Variants in PHEX observed in about 807,000 individuals in gnomAD.
PHEX encodes the protein phosphate regulating endopeptidase X-linked, also known as phosphate-regulating neutral endopeptidase PHEX.
A neutral mutation model predicts 68.0 loss-of-function variants in PHEX; 16 were observed. The ratio of observed to expected loss-of-function variants is 0.24; its 90% CI spans 0.16 to 0.36. PHEX has a LOEUF of 0.36. Ranked by LOEUF, PHEX falls within the 10% of genes least tolerant of loss-of-function variation. The probability of loss-of-function intolerance (pLI) is 1.00; values close to 1 mark genes in which losing one functional copy is unlikely to be tolerated. For missense variants in PHEX, 480 were observed against 575.5 expected, an observed-to-expected ratio of 0.83 and a Z score of 1.70; for synonymous variants, 208 against 205.1, an observed-to-expected ratio of 1.01 and a Z score of -0.12.
intron 12 of PHEX, among the ~76,000 whole-genome samples, chrX:22,153,816 A>G (rs1932897296): frequency 8.9e-6 from 1 of 112,024 alleles, no homozygotes; most frequent in Non-Finnish European, 1.9e-5. Context: ...TTGCTTTCAA[A>G]CTGGATTGCG....
intron 14 of PHEX, among the ~76,000 whole-genome samples, chrX:22,190,023 A>C (rs1471715506): frequency 8.9e-6 from 1 of 112,102 alleles, no homozygotes; most frequent in African/African-American, 3.2e-5. Flanking sequence ...AGAACTTTTA[A>C]ATGGACAGGC....
intron 3 of PHEX, among the ~76,000 whole-genome samples, chrX:22,074,631 G>T (rs1929063564): frequency 9.0e-6 from 1 of 111,220 alleles, no homozygotes; most frequent in South Asian, 3.8e-4. Context: ...ATGAAATTTG[G>T]ATTATTTACT....
rs764428274 is a variant in PHEX at position 22,215,538 on chromosome X, C to G, written c.1700+2580C>G. Among the ~76,000 whole-genome samples, 170 of 111,379 alleles carry G rather than the reference C, an allele frequency of 1.5e-3. 1 individual carries two copies. Among genetic ancestry groups the G allele is most frequent in the African/African-American group, 5.3e-3 (163 of 30,662 alleles). On this transcript the variant is annotated intron_variant, in intron 16 of 21. Transcript: ENST00000379374. ...CAGGACTGTAAATGGTTGAAGACAA[C>G]GTTTCCCAAAGTGTGTGTTCCATGA...
At chrX:22,234,879 ACT>A (rs1935915690) in intron 20 of PHEX, among the ~76,000 whole-genome samples, 1 of 110,018 alleles carries the variant, frequency 9.1e-6, no homozygotes, top group South Asian at 3.9e-4. Flanking sequence ...ACAACAAAAA[ACT>A]CTTGCAGCTA....
At chrX:22,044,909 G>A (rs1254364955) in intron 2 of PHEX, among the ~76,000 whole-genome samples, 1 of 108,567 alleles carries the variant, frequency 9.2e-6, no homozygotes, top group Admixed American at 1.0e-4. Context: ...TGTTGCCCAG[G>A]CTGGTCTCGA....
At chrX:22,190,347 T>C in intron 14 of PHEX, 97 bp from the exon 15 acceptor site, 1 of 598,650 alleles carries the variant, frequency 1.7e-6, no homozygotes, top group Non-Finnish European at 3.0e-6. Context: ...TGTTCCATGT[T>C]ATCTGCTAAT....
chrX:22,091,456 G>T (rs776074161), intron 6 of PHEX, among the ~76,000 whole-genome samples: 2 of 111,941 alleles, frequency 1.8e-5, no homozygotes, highest in African/African-American at 3.2e-5. Context: ...TATCCTGACT[G>T]CTATAGGTCA....
At position 22,245,349 on chromosome X, in the gene PHEX, A is replaced by G; in HGVS notation, c.2087A>G (p.Tyr696Cys). Reference sequence around the variant, plus strand: ...CTCTTCTAGGTGAGGTGCAATTCCTACAGACCAGAAGCTGCCCGAGAACAA... The same window carrying G: ...CTCTTCTAGGTGAGGTGCAATTCCTGCAGACCAGAAGCTGCCCGAGAACAA... ...LSYAHVRCNS[Y>C]RPEAAREQVQ... The change falls in exon 21 of 22, where the codon TAC (tyrosine) becomes TGC (cysteine). Residue 696 changes from tyrosine to cysteine, a missense_variant. Coordinates refer to ENST00000379374, the MANE Select transcript of PHEX (RefSeq NM_000444.6). 7.4e-6 allele frequency: 9 copies of G among 1,208,317 alleles called. No individual in the cohort carries two copies. The highest frequency in any genetic ancestry group is 3.5e-5 in the South Asian group (2 of 56,916).
At chrX:22,191,579 G>A (rs1222311738) in intron 15 of PHEX, among the ~76,000 whole-genome samples, 1 of 111,882 alleles carries the variant, frequency 8.9e-6, no homozygotes, top group African/African-American at 3.3e-5. Flanking sequence ...AGCATCATGG[G>A]GGATCTTGTT....
chrX:22,225,245 C>T (rs1175856272), intron 18 of PHEX, among the ~76,000 whole-genome samples: 1 of 110,139 alleles, frequency 9.1e-6, no homozygotes, highest in Non-Finnish European at 1.9e-5. Flanking sequence ...TGTAATTACA[C>T]TGGGTCCACC....
intron 18 of PHEX, among the ~76,000 whole-genome samples, chrX:22,224,227 C>T (rs1935366087): frequency 8.9e-6 from 1 of 111,782 alleles, no homozygotes; most frequent in Non-Finnish European, 1.9e-5. Context: ...AGGCAATCTG[C>T]CCGCCCCAGC....
intron 3 of PHEX, among the ~76,000 whole-genome samples, chrX:22,070,629 T>C (rs185167755): frequency 2.5e-3 from 285 of 112,254 alleles, no homozygotes; most frequent in Middle Eastern, 9.2e-3. Flanking sequence ...GAGGATTCAG[T>C]GAGCTGTGAT....
chrX:22,150,558 G>T (rs2147102279), intron 12 of PHEX, among the ~76,000 whole-genome samples: 1 of 112,025 alleles, frequency 8.9e-6, no homozygotes, highest in East Asian at 2.8e-4. Flanking sequence ...TACAACACCA[G>T]GCAGTATCCT....
In PHEX at chrX:22,247,721, T is replaced by C. The variant is rs1602442421; in HGVS notation, c.2148-130T>C. 1.9e-5 allele frequency: 10 copies of C among 519,989 alleles called. No individual in the cohort carries two copies. In the South Asian group the frequency reaches 2.7e-4, roughly 14 times the overall value. The allele number at this position is 519,989 out of a possible 1,213,427, so 42.9% of individuals were successfully genotyped here. On this transcript the variant is annotated intron_variant, in intron 21 of 21. Transcript: ENST00000379374. ...AAATTTACTTAATCATTTTGGGCTT[T>C]AGTTGTCTCCCTGTAAACAGATTAA...
chrX:22,204,184 G>A (rs1934640100), intron 15 of PHEX, among the ~76,000 whole-genome samples: 1 of 111,072 alleles, frequency 9.0e-6, no homozygotes, highest in South Asian at 3.8e-4. Context: ...AGGGAGGTGG[G>A]GGTGCAAACA....
At chrX:22,158,650 T>G (rs58530574) in intron 12 of PHEX, among the ~76,000 whole-genome samples, 17,720 of 111,253 alleles carry the variant, frequency 0.16, 1,692 homozygotes, top group African/African-American at 0.34. Flanking sequence ...TAAGTGGCTT[T>G]GAAAATTCAG....
At chrX:22,224,970 T>TGTA in intron 18 of PHEX, among the ~76,000 whole-genome samples, 1 of 113,396 alleles carries the variant, frequency 8.8e-6, no homozygotes, top group Admixed American at 9.2e-5. Flanking sequence ...CGCTGTATGA[T>TGTA]TTATTATCAT....
chrX:22,102,973 A>G (rs1308339203), intron 9 of PHEX, among the ~76,000 whole-genome samples: 1 of 112,107 alleles, frequency 8.9e-6, no homozygotes, highest in Non-Finnish European at 1.9e-5. Context: ...TATGGTTAAC[A>G]TCTTTGATCT....
At chrX:22,076,895 G>C (rs1251562936) in intron 4 of PHEX, among the ~76,000 whole-genome samples, 1 of 111,738 alleles carries the variant, frequency 8.9e-6, no homozygotes, top group African/African-American at 3.3e-5. Flanking sequence ...AGGCATCTTT[G>C]TTGGGTCCTT....
Sources: allele counts gnomAD v4.1 joint callset (sites outside exome capture counted in the v4.1 genomes callset), GRCh38; gene constraint gnomAD v4.1.1; transcripts MANE v1.5; gene names NCBI Gene and HGNC (gene_info 2026-07-23, HGNC 2026-07-21).